Variants in HS6ST2 observed in about 807,000 individuals in gnomAD.
HS6ST2 encodes the protein heparan sulfate 6-O-sulfotransferase 2.
Under a neutral mutation model 33.0 loss-of-function variants are expected in HS6ST2, and 17 were observed. The observed-to-expected ratio is 0.52, with a 90% CI of 0.35 to 0.77. HS6ST2 has a LOEUF of 0.77. Ranked by LOEUF, HS6ST2 falls within the 30% of genes least tolerant of loss-of-function variation. The pLI is 0.01. For synonymous variants in HS6ST2, 248 were observed against 237.1 expected (o/e 1.05, Z -0.42); for missense variants, 519 against 551.7 (o/e 0.94, Z 0.59).
intron 1 of HS6ST2, 76 bp downstream of exon 1, chrX:132,958,099 G>T: frequency 3.1e-6 from 3 of 965,675 alleles, no homozygotes; most frequent in Non-Finnish European, 4.1e-6. Context: ...TACCCCCCGC[G>T]GCTGCCTTCC....
intron 2 of HS6ST2, among the ~76,000 whole-genome samples, chrX:132,785,138 CCTT>C (rs1442391526): frequency 8.9e-6 from 1 of 112,212 alleles, no homozygotes; most frequent in South Asian, 3.7e-4. Context: ...TTGATATAAA[CCTT>C]CTCACTCAGT....
chrX:132,868,056 C>T (rs774632143), intron 2 of HS6ST2, among the ~76,000 whole-genome samples: 1 of 111,625 alleles, frequency 9.0e-6, no homozygotes, highest in East Asian at 2.8e-4. Context: ...TGTGCAAAGA[C>T]ACAAATAGGC....
In HS6ST2 at chrX:132,920,430, G is replaced by GA. The variant is rs60133417; in HGVS notation, c.947+36377dup. Among the ~76,000 whole-genome samples the GA allele has an allele frequency of 7.4e-5, 8 of 108,684 alleles. 1 individual carries two copies. Among genetic ancestry groups the GA allele is most frequent in the Middle Eastern group, 4.7e-3 (1 of 212 alleles). 94.4% of individuals were successfully genotyped at this position (108,684 alleles called of 115,157 possible). The stretch of plus-strand genomic sequence containing the variant: ...CTACCAAACCCCAACTTAAAACACA[G>GA]AAAAAAAAATCTGGAAGAAAAAGGA... On this transcript the variant is annotated intron_variant, in intron 2 of 4. Transcript: ENST00000370833.
chrX:132,827,346 G>T (rs971819054), intron 2 of HS6ST2, among the ~76,000 whole-genome samples: 1 of 111,084 alleles, frequency 9.0e-6, no homozygotes, highest in African/African-American at 3.3e-5. Flanking sequence ...ACTTACTATG[G>T]TTCACGGTGT....
intron 2 of HS6ST2, among the ~76,000 whole-genome samples, chrX:132,806,181 G>A (rs1036962123): frequency 1.8e-5 from 2 of 110,192 alleles, no homozygotes; most frequent in East Asian, 5.6e-4. Context: ...CCTCCTTGCA[G>A]AGAAGGTACT....
chrX:132,859,256 C>A, intron 2 of HS6ST2, among the ~76,000 whole-genome samples: 1 of 111,737 alleles, frequency 8.9e-6, no homozygotes, highest in South Asian at 3.8e-4. Flanking sequence ...AGCCCCAAAG[C>A]CACAGCAGAA....
intron 2 of HS6ST2, among the ~76,000 whole-genome samples, chrX:132,713,184 C>T (rs960764364): frequency 6.3e-5 from 7 of 111,284 alleles, no homozygotes; most frequent in African/African-American, 9.8e-5. Context: ...CAACAGCAAA[C>T]GACATGGGTA....
At chrX:132,950,533 T>A (rs2067001719) in intron 2 of HS6ST2, among the ~76,000 whole-genome samples, 1 of 112,039 alleles carries the variant, frequency 8.9e-6, no homozygotes, top group Non-Finnish European at 1.9e-5. Flanking sequence ...TATGTTGGGT[T>A]TTGCTTTGTT....
chrX:132,917,229 A>T (rs1029471810), intron 2 of HS6ST2, among the ~76,000 whole-genome samples: 7 of 111,610 alleles, frequency 6.3e-5, no homozygotes, highest in African/African-American at 2.3e-4. Context: ...TACAAATCTG[A>T]CATTCTATGG....
intron 2 of HS6ST2, among the ~76,000 whole-genome samples, chrX:132,820,555 C>G (rs73239332): frequency 0.024 from 2,675 of 111,827 alleles, 36 homozygotes; most frequent in Middle Eastern, 0.065. Flanking sequence ...AGACAGCAGG[C>G]TGAAGACCAA....
chrX:132,813,631 C>G (rs1455088517), intron 2 of HS6ST2, among the ~76,000 whole-genome samples: 3 of 111,257 alleles, frequency 2.7e-5, no homozygotes, highest in Non-Finnish European at 3.8e-5. Flanking sequence ...AAAAATCATG[C>G]CTTCATTGGT....
At chrX:132,838,548 T>A (rs2065668563) in intron 2 of HS6ST2, among the ~76,000 whole-genome samples, 1 of 111,815 alleles carries the variant, frequency 8.9e-6, no homozygotes, top group South Asian at 3.8e-4. Context: ...GAATTTAGTA[T>A]TTTATCATTT....
intron 2 of HS6ST2, among the ~76,000 whole-genome samples, chrX:132,923,915 A>G (rs773155791): frequency 7.8e-4 from 88 of 112,150 alleles, no homozygotes; most frequent in Non-Finnish European, 1.1e-3. Context: ...AAGTCCATAA[A>G]ATTTTTGCAT....
intron 2 of HS6ST2, among the ~76,000 whole-genome samples, chrX:132,893,868 C>T (rs751685939): frequency 9.9e-5 from 11 of 111,430 alleles, no homozygotes; most frequent in Non-Finnish European, 1.7e-4. Flanking sequence ...GGGAAAAAGT[C>T]AGGCCCAGAG....
intron 2 of HS6ST2, among the ~76,000 whole-genome samples, chrX:132,790,503 G>A (rs1362382064): frequency 4.5e-5 from 5 of 111,640 alleles, no homozygotes; most frequent in Non-Finnish European, 9.4e-5. Context: ...AACGAAACCC[G>A]CAGTATCTCT....
chrX:132,626,573 C>G lies in HS6ST2; in HGVS notation c.*1650G>C, dbSNP rs1405956230. On this transcript the variant is annotated 3_prime_UTR_variant, in exon 5 of 5. Coordinates refer to ENST00000370833, the MANE Select transcript of HS6ST2 (RefSeq NM_001394073.1). ...TAAACCCAAATACCCAGCTTCTTGT[C>G]CAGTTTGTGGCTATATTACTACAGA... The G allele has an allele frequency of 1.8e-5, 2 of 111,994 alleles. No individual in the cohort carries two copies. Among genetic ancestry groups the G allele is most frequent in the Non-Finnish European group, 3.8e-5 (2 of 53,201 alleles). The allele number at this position is 111,994 out of a possible 1,213,427, so 9.2% of individuals were successfully genotyped here. A position where few individuals can be genotyped will look rare whatever the true frequency, so the allele number is the denominator to read the frequency against.
rs952776244 is a variant in HS6ST2, at chrX:132,626,830, G to A, written c.*1393C>T. The A allele has an allele frequency of 8.9e-6, 1 of 111,883 alleles. No individual in the cohort carries two copies. Among genetic ancestry groups the A allele is most frequent in the Non-Finnish European group, 1.9e-5 (1 of 53,189 alleles). The allele number at this position is 111,883 out of a possible 1,213,427, so 9.2% of individuals were successfully genotyped here. ...TACTTCTTTTTATCTTGGTCAGCTT[G>A]TAATAGGTACCATAGAAGTATTTTT... On this transcript the variant is annotated 3_prime_UTR_variant, in exon 5 of 5. Transcript: ENST00000370833.
intron 2 of HS6ST2, among the ~76,000 whole-genome samples, chrX:132,841,856 T>C (rs2065709278): frequency 8.9e-6 from 1 of 112,014 alleles, no homozygotes; most frequent in Non-Finnish European, 1.9e-5. Flanking sequence ...TTTTCTCTGT[T>C]TTCATAGAAA....
At chrX:132,733,573 ACTCT>A in intron 2 of HS6ST2, among the ~76,000 whole-genome samples, 1 of 110,958 alleles carries the variant, frequency 9.0e-6, no homozygotes, top group Admixed American at 9.7e-5. Flanking sequence ...ATTTGCAGAA[ACTCT>A]CTTTTTCAAA....
Sources: gnomAD v4.1 joint callset for allele counts (sites outside exome capture counted in the v4.1 genomes callset) on GRCh38, gnomAD v4.1.1 for gene constraint, MANE v1.5 for transcripts, NCBI Gene and HGNC (gene_info 2026-07-23, HGNC 2026-07-21) for gene names.